Variants in AKAP13 observed in about 807,000 individuals in gnomAD.
The protein encoded by AKAP13 is A-kinase anchoring protein 13, also known as A-kinase anchor protein 13.
AKAP13 carries 80 observed loss-of-function variants against 264.5 expected under a neutral mutation model. The ratio of observed to expected loss-of-function variants is 0.30; its 90% confidence interval spans 0.25 to 0.36. AKAP13 has a LOEUF of 0.36. Ranked by LOEUF, AKAP13 falls within the 10% of genes least tolerant of loss-of-function variation. The pLI is 1.00. For missense variants in AKAP13, 3,712 were observed against 3,435.2 expected (o/e 1.08, Z -2.01); for synonymous variants, 1,380 against 1,250.2 (o/e 1.10, Z -2.19).
At chr15:85,609,403 G>A (rs764714343) in intron 8 of AKAP13, among the ~76,000 whole-genome samples, 1 of 152,088 alleles carries the variant, frequency 6.6e-6, no homozygotes, top group Non-Finnish European at 1.5e-5. Flanking sequence ...TTCATTTAAC[G>A]TAGTGTCCTC....
intron 12 of AKAP13, among the ~76,000 whole-genome samples, chr15:85,663,030 C>A (rs1274073595): frequency 6.6e-6 from 1 of 152,202 alleles, no homozygotes; most frequent in Non-Finnish European, 1.5e-5. Context: ...GTTTTACAGG[C>A]CAGGCATGGT....
At chr15:85,691,325 T>A (rs1326171727) in intron 16 of AKAP13, among the ~76,000 whole-genome samples, 1 of 152,182 alleles carries the variant, frequency 6.6e-6, no homozygotes, top group Non-Finnish European at 1.5e-5. Context: ...CAAACAGTGC[T>A]TCTAAAGGAC....
intron 26 of AKAP13, among the ~76,000 whole-genome samples, chr15:85,725,209 G>C (rs1465827012): frequency 6.6e-6 from 1 of 152,210 alleles, no homozygotes; most frequent in African/African-American, 2.4e-5. Flanking sequence ...CTCCTGTAGA[G>C]ATAGGAGTTG....
chr15:85,503,925 C>T (rs927795046), intron 2 of AKAP13, among the ~76,000 whole-genome samples: 2 of 152,018 alleles, frequency 1.3e-5, no homozygotes, highest in African/African-American at 4.8e-5. Flanking sequence ...GGAGATGATG[C>T]TGGAGGGGTC....
At chr15:85,726,334 T>C (rs573092761) in intron 26 of AKAP13, 76 bp from the exon 27 acceptor site, 2 of 1,276,264 alleles carry the variant, frequency 1.6e-6, no homozygotes, top group South Asian at 1.3e-5. Flanking sequence ...CACCCTTCAA[T>C]AAAAAACCTT....
chr15:85,540,217 G>A (rs931244577), intron 4 of AKAP13, among the ~76,000 whole-genome samples: 2 of 152,172 alleles, frequency 1.3e-5, no homozygotes, highest in African/African-American at 4.8e-5. Context: ...ATCGTGGGCA[G>A]GATGGAGCTC....
chr15:85,662,769 A>G (rs539342107), intron 12 of AKAP13, among the ~76,000 whole-genome samples: 33 of 152,346 alleles, frequency 2.2e-4, no homozygotes, highest in African/African-American at 7.5e-4. Flanking sequence ...GAAGAAAACA[A>G]TCAAAGAACC....
At chr15:85,726,631 CA>C (rs1366382761) in intron 27 of AKAP13, 145 bp downstream of exon 27, 35 of 672,140 alleles carry the variant, frequency 5.2e-5, no homozygotes, top group Non-Finnish European at 8.1e-5. Flanking sequence ...CACATGCCCT[CA>C]GAATTTTCTG....
At chr15:85,515,611 T>G (rs1369043143) in intron 2 of AKAP13, among the ~76,000 whole-genome samples, 1 of 139,008 alleles carries the variant, frequency 7.2e-6, no homozygotes, top group African/African-American at 2.9e-5. Context: ...TTTTTAGTCT[T>G]CTTTACTCTG....
intron 1 of AKAP13, among the ~76,000 whole-genome samples, chr15:85,394,392 A>C (rs917648946): frequency 3.9e-5 from 6 of 152,216 alleles, no homozygotes; most frequent in Non-Finnish European, 7.3e-5. Flanking sequence ...ATGTAATGCA[A>C]CTTTCTCTTC....
rs776734800 is a variant in AKAP13 at position 85,533,718 on chromosome 15, A to G, written c.316A>G (p.Ser106Gly). 2.5e-6 allele frequency: 4 copies of G among 1,614,196 alleles called. No individual in the cohort carries two copies. Among genetic ancestry groups the G allele is most frequent in the Non-Finnish European group, 3.4e-6 (4 of 1,180,038 alleles). The change falls in exon 4 of 37, where the codon AGT becomes GGT. Residue 106 changes from serine to glycine, a missense_variant. Around this residue, in one of 3 missense-constraint regions of AKAP13, gnomAD observed 2,759 missense variants for 2,411.7 expected, o/e 1.14. Transcript: ENST00000394518. ...TGATGCAGCTCAATTCCTAGCAACCAGTGCTGGAAATCAGCAGGCTTTGAA... is the reference window on the plus strand; with the variant it reads ...TGATGCAGCTCAATTCCTAGCAACCGGTGCTGGAAATCAGCAGGCTTTGAA... ...AYDAAQFLAT[S>G]AGNQQALNFT...
chr15:85,740,172 G>A, intron 33 of AKAP13, 50 bp from the exon 34 acceptor site: 3 of 1,600,268 alleles, frequency 1.9e-6, no homozygotes, highest in Non-Finnish European at 2.6e-6. Context: ...GATGGATTCT[G>A]AGATTCATAA....
chr15:85,550,621 G>A (rs143802592), intron 5 of AKAP13, among the ~76,000 whole-genome samples: 23 of 152,230 alleles, frequency 1.5e-4, no homozygotes, highest in African/African-American at 4.6e-4. Context: ...TTGACAAGTG[G>A]GTCCTCAGTA....
Position 85,579,950 on chromosome 15 carries a change from G to T in AKAP13, c.1882G>T (p.Asp628Tyr). The T allele has an allele frequency of 1.2e-6, 2 of 1,614,172 alleles. No individual in the cohort carries two copies. The highest frequency in any genetic ancestry group is 1.7e-6 in the Non-Finnish European group (2 of 1,180,008). ...SDLALLGLEE[D>Y]VMPHQNSETN... is the part of the protein sequence containing the mutation. ...TTTAGCCCTTCTTGGGCTGGAAGAA[G>T]ATGTAATGCCACACCAGAACTCAGA... Residue 628 changes from aspartate (D) to tyrosine (Y), a missense_variant, in exon 7 of 37, where the codon GAT becomes TAT. Physicochemically the swap from Asp to Tyr is radical, Grantham distance 160. Transcript: ENST00000394518.
chr15:85,402,430 T>C (rs1257225116), intron 1 of AKAP13, among the ~76,000 whole-genome samples: 2 of 152,214 alleles, frequency 1.3e-5, no homozygotes, highest in Non-Finnish European at 2.9e-5. Flanking sequence ...GTATAAGTCT[T>C]TCATGGTTAG....
chr15:85,723,156 G>C lies in AKAP13; in HGVS notation c.6581G>C (p.Ser2194Thr). Residue 2194 changes from serine to threonine, a missense_variant, in exon 26 of 37, where the codon AGT (serine) becomes ACT (threonine). Physicochemically the swap from Ser to Thr is moderately conservative, Grantham distance 58. Around this residue, in one of 3 missense-constraint regions of AKAP13, gnomAD observed 342 missense variants for 484.3 expected, o/e 0.71. Coordinates refer to ENST00000394518, the MANE Select transcript of AKAP13 (RefSeq NM_007200.5). ...GGAGCTGTAGACAGCAAAGTGGCAA[G>C]TTATGAAAAGAAAGTGCGTCTCAAT... Reference protein sequence around the residue: ...VIGAVDSKVASYEKKVRLNEI... With the variant: ...VIGAVDSKVATYEKKVRLNEI... The C allele has an allele frequency of 6.2e-7, 1 of 1,614,168 alleles. No homozygotes were observed. Among genetic ancestry groups the C allele is most frequent in the Non-Finnish European group, 8.5e-7 (1 of 1,180,016 alleles).
At position 85,741,413 on chromosome 15, in the gene AKAP13, A is replaced by C. The variant is rs765682740; in HGVS notation, c.7976A>C (p.Lys2659Thr). Residue 2659 changes from lysine (K) to threonine (T), a missense_variant, in exon 35 of 37, where the codon AAA becomes ACA. Physicochemically the swap from Lys to Thr is moderately conservative, Grantham distance 78. Coordinates refer to ENST00000394518, the MANE Select transcript of AKAP13 (RefSeq NM_007200.5). ...YDLERLRAAQ[K>T]QLEREQEQLR... is the part of the protein sequence containing the mutation. ...CTGGAGCGACTGCGTGCTGCCCAGA[A>C]ACAGCTTGAGAGGGAACAGGAGCAG... 6.2e-7 allele frequency: 1 copy of C among 1,613,490 alleles called. No homozygotes were observed. The highest frequency in any genetic ancestry group is 8.5e-7 in the Non-Finnish European group (1 of 1,179,568).
At chr15:85,691,581 A>G (rs2085289851) in intron 16 of AKAP13, among the ~76,000 whole-genome samples, 1 of 152,166 alleles carries the variant, frequency 6.6e-6, no homozygotes, top group Non-Finnish European at 1.5e-5. Flanking sequence ...TCTCTAGAAC[A>G]TTTCTGACAT....
intron 8 of AKAP13, among the ~76,000 whole-genome samples, chr15:85,610,492 A>T (rs1172229957): frequency 1.3e-5 from 2 of 151,536 alleles, no homozygotes; most frequent in Non-Finnish European, 2.9e-5. Flanking sequence ...GATGCATGGA[A>T]CTCACTTCTT....
Sources: gnomAD v4.1 joint callset for allele counts (sites outside exome capture counted in the v4.1 genomes callset) on GRCh38, gnomAD v4.1.1 for gene constraint, gnomAD v4.1.1 regional missense constraint, MANE v1.5 for transcripts, NCBI Gene and HGNC (gene_info 2026-07-23, HGNC 2026-07-21) for gene names.